The following ALK variants were observed in gnomAD, a reference collection of about 807,000 sequenced individuals.
ALK encodes the protein ALK tyrosine kinase receptor.
A neutral mutation model predicts 163.1 loss-of-function variants in ALK; 74 were observed. That is an observed-to-expected ratio of 0.45 (90% CI 0.38 to 0.55). ALK has a LOEUF of 0.55. Among genes scored for constraint, ALK ranks in the 20% least tolerant of loss-of-function variants. The probability of loss-of-function intolerance (pLI) is 0.00; values close to 1 mark genes in which losing one functional copy is unlikely to be tolerated. For missense variants in ALK, 2,063 were observed against 2,105.3 expected (o/e 0.98, Z 0.39); for synonymous variants, 960 against 843.2 (o/e 1.14, Z -2.40).
intron 1 of ALK, among the ~76,000 whole-genome samples, chr2:29,907,754 T>C (rs1034629802): frequency 1.3e-5 from 2 of 152,192 alleles, no homozygotes; most frequent in Non-Finnish European, 2.9e-5. Flanking sequence ...ATCGATATCT[T>C]CAGCCTTGAC....
intron 4 of ALK, among the ~76,000 whole-genome samples, chr2:29,417,346 T>C (rs1252899634): frequency 1.3e-5 from 2 of 152,208 alleles, no homozygotes; most frequent in South Asian, 2.1e-4. Context: ...TAATCAACTT[T>C]TGAAACATTT....
chr2:29,668,344 A>C (rs1486063125), intron 3 of ALK, among the ~76,000 whole-genome samples: 2 of 151,496 alleles, frequency 1.3e-5, no homozygotes, highest in Non-Finnish European at 2.9e-5. Context: ...CTTGGGGTTC[A>C]TTAGTCTACT....
intron 1 of ALK, among the ~76,000 whole-genome samples, chr2:29,740,411 C>T (rs1345262747): frequency 1.3e-5 from 2 of 151,054 alleles, no homozygotes; most frequent in African/African-American, 2.5e-5. Flanking sequence ...GAAAGACAGA[C>T]ATGAGGACAG....
At chr2:29,723,928 A>G (rs1411929153) in intron 1 of ALK, among the ~76,000 whole-genome samples, 1 of 152,228 alleles carries the variant, frequency 6.6e-6, no homozygotes, top group Non-Finnish European at 1.5e-5. Context: ...CTAGTTAATC[A>G]TTAACTTTGC....
At chr2:29,471,885 G>T (rs1671354780) in intron 4 of ALK, among the ~76,000 whole-genome samples, 1 of 152,146 alleles carries the variant, frequency 6.6e-6, no homozygotes, top group Admixed American at 6.5e-5. Flanking sequence ...GGGATTACAG[G>T]TGGTCCCCAC....
At chr2:29,585,111 T>C (rs1437991619) in intron 3 of ALK, among the ~76,000 whole-genome samples, 1 of 152,184 alleles carries the variant, frequency 6.6e-6, no homozygotes, top group Non-Finnish European at 1.5e-5. Flanking sequence ...CTCCTCTATC[T>C]TTCTTAATTA....
intron 1 of ALK, among the ~76,000 whole-genome samples, chr2:29,760,487 T>C (rs1371861481): frequency 6.6e-6 from 1 of 152,186 alleles, no homozygotes; most frequent in African/African-American, 2.4e-5. Context: ...GCAAATATCA[T>C]TGGCTAAGCT....
At chr2:29,328,589 C>T (rs1474170187) in intron 5 of ALK, 108 bp from the exon 6 acceptor site, 3 of 1,445,202 alleles carry the variant, frequency 2.1e-6, no homozygotes, top group Non-Finnish European at 2.9e-6. Flanking sequence ...CATTATCCTG[C>T]CCTGCCATTC....
chr2:29,220,979 G>T (rs748737133), intron 22 of ALK, 144 bp from the exon 23 acceptor site: 4 of 1,172,200 alleles, frequency 3.4e-6, no homozygotes, highest in African/African-American at 1.5e-5. Flanking sequence ...CAGGGGTCCC[G>T]GGCTGAGCCT....
chr2:29,814,456 C>A lies in ALK; in HGVS notation c.668-96759G>T, dbSNP rs1024253541. ...CGGGCGGATCACGAGGTCAGGAGAT[C>A]GAGACCATCCTGGCTAACACAGTGA... On this transcript the variant is annotated intron_variant, in intron 1 of 28. Coordinates refer to ENST00000389048, the MANE Select transcript of ALK (RefSeq NM_004304.5). 1.9e-4 allele frequency among the ~76,000 whole-genome samples: 29 copies of A among 151,902 alleles called. 2 individuals carry two copies. Among genetic ancestry groups the A allele is most frequent in the African/African-American group, 5.8e-4 (24 of 41,402 alleles).
chr2:29,651,447 T>C (rs1365462159), intron 3 of ALK, among the ~76,000 whole-genome samples: 2 of 152,196 alleles, frequency 1.3e-5, no homozygotes, highest in Non-Finnish European at 2.9e-5. Context: ...GTAGCATCTT[T>C]CTCACATTTA....
At position 29,403,911 on chromosome 2, in the gene ALK, CA is replaced by C. The variant is rs570732253; in HGVS notation, c.1155-20053del. ...TGAGCAACAGAGAGAGACCCTGTCT[CA>C]AAAAAAAAATTTTTTTATTGACTCC... On this transcript the variant is annotated intron_variant, in intron 4 of 28. Transcript: ENST00000389048. Among the ~76,000 whole-genome samples the C allele has an allele frequency of 3.2e-4, 48 of 149,558 alleles. No individual in the cohort carries two copies. The South Asian group carries it at 4.7e-3, about 15-fold the overall frequency.
rs544584906 is a variant in ALK, at chr2:29,811,498, T to A, written c.668-93801A>T. Among the ~76,000 whole-genome samples the A allele has an allele frequency of 2.0e-5, 3 of 152,360 alleles. No homozygotes were observed. In the South Asian group the frequency reaches 6.2e-4, roughly 32 times the overall value. The stretch of plus-strand genomic sequence containing the variant: ...TTAAAAAATGGATGTTCCCTGATTC[T>A]AAAAGCTCTGCATGGATGGAGCTTT... On this transcript the variant is annotated intron_variant, in intron 1 of 28. Coordinates refer to ENST00000389048, the MANE Select transcript of ALK (RefSeq NM_004304.5).
intron 1 of ALK, among the ~76,000 whole-genome samples, chr2:29,750,811 C>T (rs1008576329): frequency 5.3e-5 from 8 of 151,948 alleles, no homozygotes; most frequent in Non-Finnish European, 1.0e-4. Flanking sequence ...GTGGCTCATG[C>T]CTGTAATCCC....
At chr2:29,500,037 C>T (rs1019143941) in intron 4 of ALK, among the ~76,000 whole-genome samples, 4 of 134,520 alleles carry the variant, frequency 3.0e-5, no homozygotes, top group African/African-American at 5.0e-5. Context: ...GGTGCCCACT[C>T]CTCCTCAACA....
At chr2:29,461,912 T>C (rs1468898688) in intron 4 of ALK, among the ~76,000 whole-genome samples, 1 of 151,748 alleles carries the variant, frequency 6.6e-6, no homozygotes, top group Non-Finnish European at 1.5e-5. Context: ...ATTCTAGGTG[T>C]CATTAAGAAT....
At chr2:29,597,969 T>C (rs1296739488) in intron 3 of ALK, among the ~76,000 whole-genome samples, 2 of 152,140 alleles carry the variant, frequency 1.3e-5, no homozygotes, top group Admixed American at 1.3e-4. Context: ...TGTTCTTCAT[T>C]TGGGTTTTGT....
At chr2:29,696,925 T>TAA (rs1221648153) in intron 2 of ALK, among the ~76,000 whole-genome samples, 5 of 123,824 alleles carry the variant, frequency 4.0e-5, no homozygotes, top group Admixed American at 1.7e-4. Context: ...CCCTTTTCCC[T>TAA]AAAAAAAAAA....
chr2:29,675,010 C>T (rs528733047), intron 3 of ALK, among the ~76,000 whole-genome samples: 24 of 151,004 alleles, frequency 1.6e-4, no homozygotes, highest in African/African-American at 3.4e-4. Flanking sequence ...TCTGTGGGAT[C>T]GGTGGTGATA....
Sources: allele counts gnomAD v4.1 joint callset (sites outside exome capture counted in the v4.1 genomes callset), GRCh38; gene constraint gnomAD v4.1.1; transcripts MANE v1.5; gene names NCBI Gene and HGNC (gene_info 2026-07-23, HGNC 2026-07-21).